Variants in DERA observed in about 807,000 individuals in gnomAD.
DERA encodes the protein deoxyribose-phosphate aldolase.
DERA carries 15 observed loss-of-function variants against 41.1 expected under a neutral mutation model. The ratio of observed to expected loss-of-function variants is 0.37; its 90% CI spans 0.24 to 0.56. DERA has a LOEUF of 0.56. DERA is among the 20% of genes least tolerant of loss of function. The probability of loss-of-function intolerance (pLI) is 0.81; values close to 1 mark genes in which losing one functional copy is unlikely to be tolerated. For missense variants in DERA, 396 were observed against 403.4 expected, an observed-to-expected ratio of 0.98 and a Z score of 0.16; for synonymous variants, 139 against 137.4, an observed-to-expected ratio of 1.01 and a Z score of -0.08.
intron 6 of DERA, among the ~76,000 whole-genome samples, chr12:16,030,089 AT>A (rs71051276): frequency 0.025 from 3,503 of 139,168 alleles, 60 homozygotes; most frequent in Middle Eastern, 0.05. Context: ...TGCCCGGCTA[AT>A]TTTTTTTTTT....
rs1015965790 is a variant in DERA, at chr12:15,989,705, C to T, written c.637+7269C>T. Among the ~76,000 whole-genome samples, 5 of 152,188 alleles carry T rather than the reference C, an allele frequency of 3.3e-5. No homozygotes were observed. The highest frequency in any genetic ancestry group is 7.3e-5 in the Non-Finnish European group (5 of 68,030). On this transcript the variant is annotated intron_variant, in intron 6 of 8. Transcript: ENST00000428559. The surrounding 1 kb of genome is among the most constrained non-coding windows in gnomAD (Gnocchi z 5.2). ...CTCAAAGGGAAACCATTTGTCATTA[C>T]ATTCATAACAATTTATTTTATAATT... is the stretch of plus-strand genomic sequence containing the variant.
At chr12:15,920,925 G>A (rs1248271368) in intron 1 of DERA, among the ~76,000 whole-genome samples, 1 of 152,194 alleles carries the variant, frequency 6.6e-6, no homozygotes, top group African/African-American at 2.4e-5. Flanking sequence ...TTCCCAGATA[G>A]CTCTTATGAA....
At chr12:15,987,097 T>C (rs1176536879) in intron 6 of DERA, among the ~76,000 whole-genome samples, 2 of 152,136 alleles carry the variant, frequency 1.3e-5, no homozygotes, top group Non-Finnish European at 2.9e-5. Flanking sequence ...CTTTTTTGTT[T>C]TCCCAGTAAT....
At position 15,989,251 on chromosome 12, in the gene DERA, C is replaced by A. The variant is rs778854187; in HGVS notation, c.637+6815C>A. 1.1e-4 allele frequency among the ~76,000 whole-genome samples: 17 copies of A among 152,270 alleles called. No homozygotes were observed. The highest frequency in any genetic ancestry group is 2.4e-4 in the Non-Finnish European group (16 of 68,048). ...TGCAGCCCTAGCCACGCCTCCCCCG[C>A]TGCAACTGGCATCCCCACGGTGGCT... On this transcript the variant is annotated intron_variant, in intron 6 of 8. Transcript: ENST00000428559. This position sits in a 1 kb window ranked among gnomAD's most constrained non-coding sequence, Gnocchi z 5.2.
intron 6 of DERA, among the ~76,000 whole-genome samples, chr12:16,023,061 C>T (rs73305316): frequency 0.024 from 3,612 of 152,102 alleles, 104 homozygotes; most frequent in African/African-American, 0.064. Context: ...TCAAAATGGG[C>T]GGAGAAAAGC....
rs892168818 is a variant in DERA, at chr12:16,017,835, AC to A, written c.638-14704del. 6.6e-6 allele frequency among the ~76,000 whole-genome samples: 1 copy of A among 152,210 alleles called. No homozygotes were observed. The highest frequency in any genetic ancestry group is 1.5e-5 in the Non-Finnish European group (1 of 68,030). On this transcript the variant is annotated intron_variant, in intron 6 of 8. Transcript: ENST00000428559. The surrounding 1 kb of genome is among the most constrained non-coding windows in gnomAD (Gnocchi z 5.5). Reference sequence around the variant, plus strand: ...AAAACATGATGCTAATGAATAATGTACCCAAAAGCTCTTATTATAGGGTTGG... The same window carrying A: ...AAAACATGATGCTAATGAATAATGTACCAAAAGCTCTTATTATAGGGTTGG...
At chr12:15,939,691 GAAGATAGTT>G in intron 1 of DERA, among the ~76,000 whole-genome samples, 1 of 151,240 alleles carries the variant, frequency 6.6e-6, no homozygotes, top group South Asian at 2.1e-4. Flanking sequence ...GCCTCATTTA[GAAGATAGTT>G]CAAGACCAGT....
At position 15,988,788 on chromosome 12, in the gene DERA, C is replaced by G. The variant is rs745321513; in HGVS notation, c.637+6352C>G. Among the ~76,000 whole-genome samples the G allele has an allele frequency of 6.6e-6, 1 of 152,184 alleles. No homozygotes were observed. ...CCTCCCACCACCATCATCATGTTGTCCACGGCACCCAGGCTATTCACACTG... is the reference window on the plus strand; with the variant it reads ...CCTCCCACCACCATCATCATGTTGTGCACGGCACCCAGGCTATTCACACTG... On this transcript the variant is annotated intron_variant, in intron 6 of 8. Coordinates refer to ENST00000428559, the MANE Select transcript of DERA (RefSeq NM_015954.4). The surrounding 1 kb of genome is among the most constrained non-coding windows in gnomAD (Gnocchi z 6.0).
chr12:15,933,583 T>C (rs2136131689), intron 1 of DERA, among the ~76,000 whole-genome samples: 1 of 152,336 alleles, frequency 6.6e-6, no homozygotes, highest in Non-Finnish European at 1.5e-5. Context: ...AGTCTAGAGT[T>C]TGAATTTCAG....
At chr12:15,971,508 C>CTTTT (rs56142412) in intron 5 of DERA, among the ~76,000 whole-genome samples, 5 of 97,044 alleles carry the variant, frequency 5.2e-5, no homozygotes, top group East Asian at 4.0e-4. Context: ...TATCTCAACT[C>CTTTT]TTTTTTTTTT....
intron 6 of DERA, 108 bp from the exon 7 acceptor site, chr12:16,032,434 A>G (rs747965966): frequency 1.1e-4 from 71 of 635,708 alleles, no homozygotes; most frequent in Non-Finnish European, 1.8e-4. Flanking sequence ...GAAAAATAAC[A>G]TTGGGTTTCT....
At chr12:15,977,812 T>C (rs978431053) in intron 5 of DERA, among the ~76,000 whole-genome samples, 13 of 152,190 alleles carry the variant, frequency 8.5e-5, no homozygotes, top group African/African-American at 3.1e-4. Context: ...TGTCTCACGA[T>C]GGATGGTTAA....
At chr12:15,963,891 C>T (rs1465746324) in intron 5 of DERA, among the ~76,000 whole-genome samples, 1 of 146,866 alleles carries the variant, frequency 6.8e-6, no homozygotes, top group African/African-American at 2.7e-5. Flanking sequence ...ATCTGTAAAG[C>T]CTATGTCTAT....
At chr12:15,946,601 T>A (rs530436834) in intron 1 of DERA, among the ~76,000 whole-genome samples, 88 of 152,270 alleles carry the variant, frequency 5.8e-4, no homozygotes, top group Non-Finnish European at 1.2e-3. Flanking sequence ...TTGCATCTAT[T>A]TGATTCTTCT....
At chr12:15,953,029 C>A (rs189964003) in intron 1 of DERA, among the ~76,000 whole-genome samples, 2 of 152,268 alleles carry the variant, frequency 1.3e-5, no homozygotes, top group Admixed American at 6.5e-5. Context: ...GAGCAGTATC[C>A]TTGGCCTCTA....
At position 15,998,187 on chromosome 12, in the gene DERA, A is replaced by G. The variant is rs1359483241; in HGVS notation, c.637+15751A>G. On this transcript the variant is annotated intron_variant, in intron 6 of 8. Coordinates refer to ENST00000428559, the MANE Select transcript of DERA (RefSeq NM_015954.4). The surrounding 1 kb of genome is among the most constrained non-coding windows in gnomAD (Gnocchi z 4.8). The stretch of plus-strand genomic sequence containing the variant: ...ATTTCAGGGGTCATGAACGGAGCCA[A>G]GGAAATTCATACTTTGAGAAACATG... Among the ~76,000 whole-genome samples, 1 of 152,196 alleles carries G rather than the reference A, an allele frequency of 6.6e-6. No individual in the cohort carries two copies. The highest frequency in any genetic ancestry group is 1.5e-5 in the Non-Finnish European group (1 of 68,046).
At chr12:15,960,188 CAT>C (rs984832835) in intron 4 of DERA, among the ~76,000 whole-genome samples, 21 of 150,064 alleles carry the variant, frequency 1.4e-4, no homozygotes, top group African/African-American at 4.9e-4. Context: ...TAAGGCATGA[CAT>C]ATAGTATATA....
chr12:15,979,523 CTT>C (rs1948719761), intron 5 of DERA, among the ~76,000 whole-genome samples: 1 of 152,166 alleles, frequency 6.6e-6, no homozygotes, highest in Admixed American at 6.5e-5. Context: ...TTTGGTATAA[CTT>C]TTGATTTAAT....
At chr12:15,925,905 G>A (rs1422268847) in intron 1 of DERA, among the ~76,000 whole-genome samples, 2 of 140,186 alleles carry the variant, frequency 1.4e-5, no homozygotes, top group East Asian at 4.2e-4. Flanking sequence ...TCGGCTCACT[G>A]CAGTCTCCGC....
Sources: gnomAD v4.1 joint callset for allele counts (sites outside exome capture counted in the v4.1 genomes callset) on GRCh38, gnomAD v4.1.1 for gene constraint, Gnocchi (gnomAD v3.1) non-coding constraint, MANE v1.5 for transcripts, NCBI Gene and HGNC (gene_info 2026-07-23, HGNC 2026-07-21) for gene names.